C12orf56: variants seen among roughly 807,000 people sequenced by gnomAD.
C12orf56 encodes the protein chromosome 12 open reading frame 56.
In C12orf56, 71 loss-of-function variants were observed where a neutral mutation model predicts 69.9. That is an observed-to-expected ratio of 1.02 (90% CI 0.84 to 1.24). The LOEUF (loss-of-function observed/expected upper bound fraction) is 1.24, where lower values mean the gene tolerates loss of function less well. Ranked by LOEUF, C12orf56 falls within the 50% of genes most tolerant of loss-of-function variation. The pLI, the probability that C12orf56 is intolerant of heterozygous loss-of-function variation, is 0.00. For missense variants in C12orf56, 732 were observed against 738.5 expected, an observed-to-expected ratio of 0.99 and a Z score of 0.10; for synonymous variants, 276 against 274.1, an observed-to-expected ratio of 1.01 and a Z score of -0.07.
intron 1 of C12orf56, among the ~76,000 whole-genome samples, chr12:64,364,377 A>G (rs942355366): frequency 4.6e-5 from 7 of 152,190 alleles, no homozygotes; most frequent in Admixed American, 1.3e-4. Flanking sequence ...GTTGGACCAG[A>G]TAGGTTTATC....
At chr12:64,333,566 A>G (rs1380551810) in intron 2 of C12orf56, among the ~76,000 whole-genome samples, 1 of 152,184 alleles carries the variant, frequency 6.6e-6, no homozygotes, top group Non-Finnish European at 1.5e-5. Flanking sequence ...CAGTGGCACA[A>G]TCTCGGCTCA....
At chr12:64,283,769 A>T (rs1416232050) in intron 8 of C12orf56, among the ~76,000 whole-genome samples, 1 of 152,066 alleles carries the variant, frequency 6.6e-6, no homozygotes, top group African/African-American at 2.4e-5. Flanking sequence ...ACATGATAGC[A>T]GGCAACAGAG....
chr12:64,357,464 G>C (rs937950684), intron 1 of C12orf56, among the ~76,000 whole-genome samples: 1 of 150,804 alleles, frequency 6.6e-6, no homozygotes, highest in Non-Finnish European at 1.5e-5. Context: ...CAAGGCTGGA[G>C]TGCAGTCGTA....
In C12orf56 at chr12:64,274,020, T is replaced by C. The variant is rs11175306; in HGVS notation, c.1584+881A>G. ...CAAACTGCAACAGTGACGAGGCCTA[T>C]AAAGCAGAGGAAGAGGACACCATGC... On this transcript the variant is annotated intron_variant, in intron 11 of 12. Coordinates refer to ENST00000543942, the MANE Select transcript of C12orf56 (RefSeq NM_001170633.2). 9.2e-3 allele frequency among the ~76,000 whole-genome samples: 1,394 copies of C among 152,236 alleles called. 44 individuals are homozygous for C. The highest frequency in any genetic ancestry group is 0.049 in the Admixed American group (746 of 15,294).
intron 9 of C12orf56, among the ~76,000 whole-genome samples, 185 bp downstream of exon 9, chr12:64,277,495 C>A (rs1317874087): frequency 6.6e-6 from 1 of 151,462 alleles, no homozygotes; most frequent in Non-Finnish European, 1.5e-5. Context: ...TTTTCTTGAC[C>A]CTCTAAATCT....
intron 1 of C12orf56, among the ~76,000 whole-genome samples, chr12:64,386,401 T>A (rs867161898): frequency 0.15 from 20,670 of 134,256 alleles, 1,802 homozygotes; most frequent in East Asian, 0.26. Flanking sequence ...TATATATATT[T>A]TTTTTTTTTT....
At chr12:64,340,103 C>A (rs957812960) in intron 2 of C12orf56, among the ~76,000 whole-genome samples, 9 of 152,006 alleles carry the variant, frequency 5.9e-5, no homozygotes, top group African/African-American at 2.2e-4. Flanking sequence ...ACAAGGAGAG[C>A]CAGTCCGAGT....
In C12orf56 at chr12:64,265,100, T is replaced by C. The variant is rs1322829877; in HGVS notation, c.*2083A>G. The stretch of plus-strand genomic sequence containing the variant: ...GCGGAGAAGCTAAGGCAGAGCTGAG[T>C]TGATCCTCTCGTTGTCATCCTGCGG... On this transcript the variant is annotated 3_prime_UTR_variant, in exon 13 of 13. Transcript: ENST00000543942. The C allele has an allele frequency of 6.6e-6, 1 of 152,214 alleles. No homozygotes were observed. The highest frequency in any genetic ancestry group is 1.9e-4 in the East Asian group (1 of 5,194). 9.4% of individuals were successfully genotyped at this position (152,214 alleles called of 1,614,324 possible).
chr12:64,277,658 A>AC, intron 9 of C12orf56, 22 bp downstream of exon 9: 2 of 1,412,598 alleles, frequency 1.4e-6, no homozygotes, highest in East Asian at 2.7e-5. Context: ...ATAATAGTTT[A>AC]CCCCCCAAAT....
Position 64,266,986 on chromosome 12 carries a change from TAATA to T in C12orf56, c.*193_*196del, listed in dbSNP as rs2136735897. On this transcript the variant is annotated 3_prime_UTR_variant, in exon 13 of 13. Coordinates refer to ENST00000543942, the MANE Select transcript of C12orf56 (RefSeq NM_001170633.2). ...TGGCATAAAGATCTTTGCACACTTA[TAATA>T]AATCAAATTTATTTTTTAAAATTTT... The T allele has an allele frequency of 2.0e-6, 1 of 511,522 alleles. No homozygotes were observed. Among genetic ancestry groups the T allele is most frequent in the Non-Finnish European group, 3.4e-6 (1 of 296,952 alleles). 31.7% of individuals were successfully genotyped at this position (511,522 alleles called of 1,614,324 possible).
intron 1 of C12orf56, among the ~76,000 whole-genome samples, chr12:64,356,492 G>A (rs892346308): frequency 1.1e-4 from 17 of 152,172 alleles, no homozygotes; most frequent in African/African-American, 4.1e-4. Context: ...CTACTGCTGT[G>A]TCATTCCCCT....
chr12:64,314,086 AT>A (rs1324070750), intron 4 of C12orf56, among the ~76,000 whole-genome samples: 136 of 143,822 alleles, frequency 9.5e-4, no homozygotes, highest in Middle Eastern at 3.7e-3. Context: ...ATTTACTTCA[AT>A]TTTTTTTTTT....
At chr12:64,306,638 A>G (rs4284492) in intron 5 of C12orf56, among the ~76,000 whole-genome samples, 145,181 of 152,190 alleles carry the variant, frequency 0.95, 69,605 homozygotes, top group East Asian at 1. Context: ...GAAAGTGCTG[A>G]GATTACAGGC....
chr12:64,346,388 G>A (rs373006968), intron 2 of C12orf56, among the ~76,000 whole-genome samples: 2 of 152,058 alleles, frequency 1.3e-5, no homozygotes, highest in Admixed American at 6.6e-5. Flanking sequence ...CCCAGATAAA[G>A]GGTGGGTCTG....
intron 11 of C12orf56, among the ~76,000 whole-genome samples, chr12:64,272,725 T>C (rs2038006195): frequency 6.6e-6 from 1 of 152,218 alleles, no homozygotes; most frequent in Admixed American, 6.5e-5. Flanking sequence ...TGAGCTTCCA[T>C]TGCTGTGAAT....
intron 6 of C12orf56, among the ~76,000 whole-genome samples, chr12:64,294,900 A>G (rs2038344760): frequency 6.6e-6 from 1 of 151,760 alleles, no homozygotes; most frequent in Non-Finnish European, 1.5e-5. Flanking sequence ...ATGAAGAAAA[A>G]AAAATTTTTT....
intron 1 of C12orf56, among the ~76,000 whole-genome samples, chr12:64,360,526 T>TGATA (rs1054359720): frequency 9.3e-4 from 141 of 152,204 alleles, no homozygotes; most frequent in Admixed American, 3.1e-3. Context: ...GATAGATAGA[T>TGATA]GATAGATAGA....
intron 1 of C12orf56, among the ~76,000 whole-genome samples, chr12:64,369,126 C>G (rs891138938): frequency 6.8e-6 from 1 of 146,572 alleles, no homozygotes; most frequent in Non-Finnish European, 1.5e-5. Context: ...CAAAACCAAC[C>G]TGGGCACCAT....
chr12:64,276,935 A>C (rs556152590), intron 9 of C12orf56, among the ~76,000 whole-genome samples: 6 of 140,934 alleles, frequency 4.3e-5, no homozygotes, highest in African/African-American at 1.6e-4. Context: ...TCAAGTCTGC[A>C]GTGAGCCGAG....
Sources: allele counts gnomAD v4.1 joint callset (sites outside exome capture counted in the v4.1 genomes callset), GRCh38; gene constraint gnomAD v4.1.1; transcripts MANE v1.5; gene names NCBI Gene and HGNC (gene_info 2026-07-23, HGNC 2026-07-21).